Variants in TBXAS1 observed in about 807,000 individuals in gnomAD.
TBXAS1 encodes thromboxane-A synthase.
TBXAS1 carries 48 observed loss-of-function variants against 60.7 expected under a neutral mutation model. That is an observed-to-expected ratio of 0.79 (90% CI 0.63 to 1.01). The LOEUF (loss-of-function observed/expected upper bound fraction) is 1.01, where lower values mean the gene tolerates loss of function less well. Among genes scored for constraint, TBXAS1 ranks in the 50% least tolerant of loss-of-function variants. The pLI is 0.00. For missense variants in TBXAS1, 685 were observed against 686.3 expected, an observed-to-expected ratio of 1.00 and a Z score of 0.02; for synonymous variants, 287 against 269.7, an observed-to-expected ratio of 1.06 and a Z score of -0.63.
At chr7:139,892,481 T>C (rs911085264) in intron 3 of TBXAS1, among the ~76,000 whole-genome samples, 2 of 152,046 alleles carry the variant, frequency 1.3e-5, no homozygotes, top group Non-Finnish European at 2.9e-5. Flanking sequence ...TAATCCCAGC[T>C]ACTCAGGAGG....
At chr7:139,781,560 T>A (rs778513580) in intron 2 of TBXAS1, among the ~76,000 whole-genome samples, 2 of 152,160 alleles carry the variant, frequency 1.3e-5, no homozygotes, top group Non-Finnish European at 2.9e-5. Flanking sequence ...AGCTGGGTGC[T>A]GTGGCTCACG....
intron 5 of TBXAS1, among the ~76,000 whole-genome samples, chr7:139,938,646 C>T (rs1205220350): frequency 6.6e-6 from 1 of 152,148 alleles, no homozygotes; most frequent in Non-Finnish European, 1.5e-5. Flanking sequence ...GTTGAGTCAG[C>T]CAAGAGAAGA....
intron 9 of TBXAS1, among the ~76,000 whole-genome samples, chr7:139,985,225 T>G (rs190029317): frequency 4.3e-4 from 65 of 152,370 alleles, no homozygotes; most frequent in Middle Eastern, 3.4e-3. Flanking sequence ...AGTGGCCCTT[T>G]ACAAAGTTGA....
chr7:139,897,625 T>G (rs1804214214), intron 3 of TBXAS1, among the ~76,000 whole-genome samples: 3 of 151,980 alleles, frequency 2.0e-5, no homozygotes, highest in Non-Finnish European at 2.9e-5. Context: ...GGACCAGGGA[T>G]TGTACCAGCC....
intron 10 of TBXAS1, among the ~76,000 whole-genome samples, chr7:140,009,302 C>T (rs1814335873): frequency 6.6e-6 from 1 of 152,140 alleles, no homozygotes; most frequent in Non-Finnish European, 1.5e-5. Context: ...CCATCTTGGC[C>T]CTGGCCTTGG....
chr7:139,987,155 C>A (rs955480844), intron 9 of TBXAS1, among the ~76,000 whole-genome samples: 1 of 152,124 alleles, frequency 6.6e-6, no homozygotes, highest in African/African-American at 2.4e-5. Context: ...ATGCCTGGGG[C>A]TCCCCACGGA....
At chr7:139,854,303 A>G (rs1396432464) in intron 1 of TBXAS1, among the ~76,000 whole-genome samples, 1 of 152,150 alleles carries the variant, frequency 6.6e-6, no homozygotes. Flanking sequence ...AGATTGCCCA[A>G]GCCTAATTTA....
At chr7:139,892,367 T>C (rs1274146027) in intron 3 of TBXAS1, among the ~76,000 whole-genome samples, 2 of 151,850 alleles carry the variant, frequency 1.3e-5, no homozygotes, top group Admixed American at 1.3e-4. Context: ...CCGAGGCGGG[T>C]GGATCATGAG....
At chr7:139,850,177 C>T (rs1352204147) in intron 1 of TBXAS1, among the ~76,000 whole-genome samples, 4 of 152,154 alleles carry the variant, frequency 2.6e-5, no homozygotes, top group African/African-American at 7.2e-5. Context: ...CGCTCCTTCT[C>T]GTCCTGCACA....
At chr7:139,867,393 C>T (rs1801500767) in intron 1 of TBXAS1, among the ~76,000 whole-genome samples, 3 of 152,204 alleles carry the variant, frequency 2.0e-5, no homozygotes, top group Admixed American at 6.5e-5. Context: ...TAGATAATTT[C>T]TGTTTTCTTT....
chr7:139,813,611 G>T (rs895460044), intron 4 of TBXAS1, among the ~76,000 whole-genome samples: 15 of 152,256 alleles, frequency 9.9e-5, no homozygotes, highest in African/African-American at 3.1e-4. Context: ...CTTTGGTTGG[G>T]TCCCTGAATC....
chr7:139,868,223 C>T (rs1400083857), intron 1 of TBXAS1, among the ~76,000 whole-genome samples: 1 of 152,170 alleles, frequency 6.6e-6, no homozygotes, highest in Admixed American at 6.5e-5. Context: ...TGCGTATTAC[C>T]TGCTTTACAC....
intron 3 of TBXAS1, among the ~76,000 whole-genome samples, chr7:139,894,929 G>C (rs1388573971): frequency 6.6e-6 from 1 of 152,202 alleles, no homozygotes; most frequent in African/African-American, 2.4e-5. Context: ...AAAGAAAGCT[G>C]ACATCTAATT....
chr7:139,917,158 A>G (rs2117080888), intron 4 of TBXAS1, among the ~76,000 whole-genome samples: 1 of 152,286 alleles, frequency 6.6e-6, no homozygotes, highest in East Asian at 1.9e-4. Flanking sequence ...ACGGGTCTAC[A>G]GCTCTGAGCA....
chr7:139,901,988 A>G (rs1331378406), intron 3 of TBXAS1, among the ~76,000 whole-genome samples: 1 of 151,988 alleles, frequency 6.6e-6, no homozygotes, highest in Non-Finnish European at 1.5e-5. Context: ...AAAAATATGT[A>G]TGGGGAAGTC....
chr7:139,822,618 G>A (rs551768262), intron 4 of TBXAS1, among the ~76,000 whole-genome samples: 20 of 152,084 alleles, frequency 1.3e-4, no homozygotes, highest in Admixed American at 3.3e-4. Flanking sequence ...TTCCTTCCCC[G>A]AGTCCCTGTC....
At chr7:139,882,237 C>T (rs563814185) in intron 3 of TBXAS1, among the ~76,000 whole-genome samples, 5 of 152,162 alleles carry the variant, frequency 3.3e-5, no homozygotes, top group African/African-American at 1.2e-4. Context: ...GAAAGACTCA[C>T]CTGTTGGACA....
chr7:139,995,004 C>T (rs1813192976), intron 9 of TBXAS1, among the ~76,000 whole-genome samples: 1 of 152,194 alleles, frequency 6.6e-6, no homozygotes. Context: ...GAATGGTGAG[C>T]AGAGCTGGGG....
intron 9 of TBXAS1, among the ~76,000 whole-genome samples, chr7:139,979,828 G>A (rs1811841489): frequency 6.6e-6 from 1 of 151,052 alleles, no homozygotes; most frequent in African/African-American, 2.4e-5. Flanking sequence ...TGTTTTTTGG[G>A]GTTTTTTTTA....
Sources: gnomAD v4.1 joint callset for allele counts (sites outside exome capture counted in the v4.1 genomes callset) on GRCh38, gnomAD v4.1.1 for gene constraint, MANE v1.5 for transcripts, NCBI Gene and HGNC (gene_info 2026-07-23, HGNC 2026-07-21) for gene names.